The following RAPGEF4 variants were observed in gnomAD, a reference collection of about 807,000 sequenced individuals.
RAPGEF4 encodes RAP guanine-nucleotide-exchange factor (GEF) 4.
In RAPGEF4, 66 loss-of-function variants were observed where a neutral mutation model predicts 147.9. The observed-to-expected ratio is 0.45, with a 90% confidence interval of 0.37 to 0.55. The LOEUF is 0.55. Among genes scored for constraint, RAPGEF4 ranks in the 20% least tolerant of loss-of-function variants. RAPGEF4 has a pLI of 0.00. For missense variants in RAPGEF4, 1,071 were observed against 1,257.3 expected (o/e 0.85, Z 2.24); for synonymous variants, 419 against 442.7 (o/e 0.95, Z 0.67).
At chr2:172,873,226 A>G (rs896656097) in intron 4 of RAPGEF4, among the ~76,000 whole-genome samples, 14 of 152,154 alleles carry the variant, frequency 9.2e-5, no homozygotes, top group Middle Eastern at 3.2e-3. Context: ...ACTCCTAAGA[A>G]CCTTTCTCAA....
chr2:172,951,520 T>C (rs984853542), intron 6 of RAPGEF4, among the ~76,000 whole-genome samples: 2 of 152,178 alleles, frequency 1.3e-5, no homozygotes, highest in South Asian at 2.1e-4. Context: ...TGATAAATGC[T>C]ATAGCGAGAG....
chr2:173,046,393 CAGAA>C lies in RAPGEF4; in HGVS notation c.2854-2206_2854-2203del, dbSNP rs1367462787. Among the ~76,000 whole-genome samples, 383 of 152,218 alleles carry C rather than the reference CAGAA, an allele frequency of 2.5e-3. 1 individual carries two copies. Among genetic ancestry groups the C allele is most frequent in the African/African-American group, 8.2e-3 (342 of 41,528 alleles). On this transcript the variant is annotated intron_variant, in intron 29 of 30. Transcript: ENST00000397081. ...TGTTTTAGCTTTCAAAACTAAAAAG[CAGAA>C]CAATTACTCCCTACAAAATGGTATA...
intron 1 of RAPGEF4, among the ~76,000 whole-genome samples, chr2:172,749,992 G>A (rs1414203712): frequency 2.6e-5 from 4 of 151,998 alleles, no homozygotes; most frequent in Admixed American, 6.6e-5. Flanking sequence ...AAAGTTCCTC[G>A]CCTCCTTCTG....
intron 6 of RAPGEF4, among the ~76,000 whole-genome samples, chr2:172,936,908 C>T (rs934873907): frequency 1.3e-5 from 2 of 151,200 alleles, no homozygotes; most frequent in African/African-American, 4.9e-5. Flanking sequence ...AACTAAAGTC[C>T]ATAGTTTAAG....
intron 4 of RAPGEF4, among the ~76,000 whole-genome samples, chr2:172,867,982 T>C (rs1014289687): frequency 1.2e-4 from 18 of 152,218 alleles, no homozygotes; most frequent in Non-Finnish European, 1.9e-4. Context: ...CTTCCAGAGA[T>C]GAAGAAAGTA....
chr2:172,816,692 C>G (rs1005587840), intron 4 of RAPGEF4, among the ~76,000 whole-genome samples: 1 of 152,142 alleles, frequency 6.6e-6, no homozygotes, highest in African/African-American at 2.4e-5. Flanking sequence ...CCAACTCTTC[C>G]CCTGTAACCT....
chr2:172,778,368 C>T (rs1684372387), intron 1 of RAPGEF4, among the ~76,000 whole-genome samples: 1 of 152,132 alleles, frequency 6.6e-6, no homozygotes, highest in South Asian at 2.1e-4. Flanking sequence ...ATCTAGAGAC[C>T]TGTCTTCTCC....
At chr2:172,820,280 G>A (rs1365419806) in intron 4 of RAPGEF4, among the ~76,000 whole-genome samples, 1 of 152,154 alleles carries the variant, frequency 6.6e-6, no homozygotes, top group Non-Finnish European at 1.5e-5. Context: ...CTCTTTACCT[G>A]TAGTTCAATT....
intron 6 of RAPGEF4, among the ~76,000 whole-genome samples, chr2:172,932,802 C>T (rs918020328): frequency 3.9e-5 from 6 of 152,146 alleles, no homozygotes; most frequent in Admixed American, 2.0e-4. Flanking sequence ...TCATACTGAA[C>T]ATGTATCAAA....
At chr2:172,967,499 G>T in intron 10 of RAPGEF4, 55 bp downstream of exon 10, 2 of 1,533,248 alleles carry the variant, frequency 1.3e-6, no homozygotes, top group East Asian at 2.3e-5. Context: ...CTAGTGCATA[G>T]ACATACCATG....
chr2:172,965,737 C>G, intron 9 of RAPGEF4, 54 bp downstream of exon 9: 1 of 1,607,622 alleles, frequency 6.2e-7, no homozygotes, highest in Non-Finnish European at 8.5e-7. Flanking sequence ...AGTGCATTTC[C>G]CTGGGTAAGT....
chr2:172,938,214 T>TACACACACAC lies in RAPGEF4; in HGVS notation c.537+15936_537+15945dup, dbSNP rs57780996. ...CTGTGCATATACACATATCTGTAAG[T>TACACACACAC]ACACACACACACACACACACACACA... is the stretch of plus-strand genomic sequence containing the variant. On this transcript the variant is annotated intron_variant, in intron 6 of 30. Coordinates refer to ENST00000397081, the MANE Select transcript of RAPGEF4 (RefSeq NM_007023.4). 4.6e-4 allele frequency among the ~76,000 whole-genome samples: 68 copies of TACACACACAC among 148,262 alleles called. 1 individual carries two copies. The highest frequency in any genetic ancestry group is 1.2e-3 in the African/African-American group (48 of 40,414).
chr2:173,031,282 A>G (rs1456115349), intron 26 of RAPGEF4, among the ~76,000 whole-genome samples: 1 of 152,216 alleles, frequency 6.6e-6, no homozygotes, highest in African/African-American at 2.4e-5. Flanking sequence ...TCCCCTGAAT[A>G]TAGGAATGAG....
At chr2:172,809,232 G>A (rs1453218779) in intron 3 of RAPGEF4, among the ~76,000 whole-genome samples, 1 of 152,090 alleles carries the variant, frequency 6.6e-6, no homozygotes, top group Non-Finnish European at 1.5e-5. Flanking sequence ...TCTAACCAGG[G>A]GTAGCATGAT....
intron 1 of RAPGEF4, among the ~76,000 whole-genome samples, chr2:172,784,828 A>ATTT (rs34032216): frequency 7.0e-6 from 1 of 143,570 alleles, no homozygotes; most frequent in African/African-American, 2.5e-5. Context: ...ATGAGATTCT[A>ATTT]TTTTTTTTTT....
intron 16 of RAPGEF4, among the ~76,000 whole-genome samples, chr2:172,999,162 T>C (rs973718816): frequency 6.6e-6 from 1 of 152,238 alleles, no homozygotes; most frequent in Non-Finnish European, 1.5e-5. Context: ...GGGATGTGAT[T>C]CTTGACCCTT....
intron 4 of RAPGEF4, among the ~76,000 whole-genome samples, chr2:172,874,091 C>T (rs1167968771): frequency 2.0e-5 from 3 of 152,194 alleles, no homozygotes; most frequent in Non-Finnish European, 4.4e-5. Context: ...CACTTTTACA[C>T]TGTTGGTGGG....
intron 1 of RAPGEF4, among the ~76,000 whole-genome samples, chr2:172,765,277 T>C (rs1309805748): frequency 6.6e-6 from 1 of 152,176 alleles, no homozygotes; most frequent in African/African-American, 2.4e-5. Flanking sequence ...GAATTACATC[T>C]GCAAAGACCC....
At position 172,967,268 on chromosome 2, in the gene RAPGEF4, G is replaced by C. The variant is rs1689944172; in HGVS notation, c.828G>C (p.Gln276His). The change falls in exon 10 of 31, where the codon CAG (glutamine) becomes CAC (histidine). Residue 276 changes from glutamine to histidine, a missense_variant. Gln to His is a conservative substitution (Grantham distance 24). Transcript: ENST00000397081. ...CTTCCATGTTTCCCATAGTGGACCA[G>C]GAGCACCATTTCCAAGACAAATATT... The part of the protein sequence containing the change: ...LEDGVLNHVD[Q>H]EHHFQDKYLF... 1 of 1,611,854 alleles carries C rather than the reference G, an allele frequency of 6.2e-7. No homozygotes were observed.
Sources: allele counts gnomAD v4.1 joint callset (sites outside exome capture counted in the v4.1 genomes callset), GRCh38; gene constraint gnomAD v4.1.1; transcripts MANE v1.5; gene names NCBI Gene and HGNC (gene_info 2026-07-23, HGNC 2026-07-21).